CENPH: variants seen among roughly 807,000 people sequenced by gnomAD.
CENPH encodes the protein CENP-H.
A neutral mutation model predicts 42.9 loss-of-function variants in CENPH; 40 were observed. That is an observed-to-expected ratio of 0.93 (90% confidence interval 0.72 to 1.21). The LOEUF (loss-of-function observed/expected upper bound fraction) is 1.21, where lower values mean the gene tolerates loss of function less well. CENPH is among the 50% of genes most tolerant of loss of function. The pLI, the probability that CENPH is intolerant of heterozygous loss-of-function variation, is 0.00. For synonymous variants in CENPH, 88 were observed against 96.5 expected (o/e 0.91, Z 0.52); for missense variants, 302 against 292.9 (o/e 1.03, Z -0.23).
intron 6 of CENPH, 90 bp from the exon 7 acceptor site, chr5:69,202,829 A>G (rs998161037): frequency 1.3e-6 from 1 of 797,450 alleles, no homozygotes; most frequent in African/African-American, 1.8e-5. Context: ...TTAGATAACT[A>G]AGGCTAGTAG....
At chr5:69,204,024 A>G (rs1391287780) in intron 7 of CENPH, among the ~76,000 whole-genome samples, 1 of 53,000 alleles carries the variant, frequency 1.9e-5, no homozygotes, top group Non-Finnish European at 3.7e-5. Context: ...TATATAAATT[A>G]TATATATAAT....
intron 5 of CENPH, among the ~76,000 whole-genome samples, chr5:69,198,237 T>C (rs1324134695): frequency 1.3e-5 from 2 of 151,740 alleles, no homozygotes; most frequent in South Asian, 2.1e-4. Flanking sequence ...TATGATCTTA[T>C]CTCCCAAAGT....
At chr5:69,199,189 G>A (rs12153399) in intron 5 of CENPH, among the ~76,000 whole-genome samples, 3 of 151,914 alleles carry the variant, frequency 2.0e-5, no homozygotes, top group Non-Finnish European at 4.4e-5. Context: ...GTTTTGTTTT[G>A]TTTTTTTGAG....
intron 5 of CENPH, among the ~76,000 whole-genome samples, chr5:69,200,880 GAC>G (rs1050137013): frequency 1.3e-5 from 2 of 151,482 alleles, no homozygotes; most frequent in African/African-American, 4.8e-5. Context: ...TGGGATTACA[GAC>G]ACACACCATC....
intron 7 of CENPH, 104 bp from the exon 8 acceptor site, chr5:69,208,092 C>T (rs1748189975): frequency 1.8e-6 from 1 of 557,756 alleles, no homozygotes. Context: ...TAAAATTTTT[C>T]TCTTGACTAA....
intron 7 of CENPH, 98 bp downstream of exon 7, chr5:69,203,068 G>T: frequency 1.2e-6 from 1 of 815,560 alleles, no homozygotes; most frequent in South Asian, 1.7e-5. Flanking sequence ...CCTAATTTCC[G>T]ACTTCCAAAA....
chr5:69,208,011 A>C, intron 7 of CENPH, 185 bp from the exon 8 acceptor site: 1 of 388,326 alleles, frequency 2.6e-6, no homozygotes, highest in South Asian at 4.7e-5. Context: ...ACGAAATTAA[A>C]ATATTGTTAT....
Position 69,189,601 on chromosome 5 carries a change from C to T in CENPH, c.-34C>T. ...AAGCGACCTTTTCTGAGCGCGTTTG[C>T]CTGTTGAGTGGTAGCCTTTCCCCTC... On this transcript the variant is annotated 5_prime_UTR_variant, in exon 1 of 9. Transcript: ENST00000283006. 7.7e-6 allele frequency: 12 copies of T among 1,556,636 alleles called. No individual in the cohort carries two copies. The highest frequency in any genetic ancestry group is 9.5e-6 in the Non-Finnish European group (11 of 1,155,618).
chr5:69,192,679 A>G (rs1015943567), intron 2 of CENPH, among the ~76,000 whole-genome samples: 1 of 152,150 alleles, frequency 6.6e-6, no homozygotes, highest in African/African-American at 2.4e-5. Context: ...GGGACTCACT[A>G]CAACATCCAA....
At chr5:69,196,458 A>T (rs1035291289) in intron 4 of CENPH, among the ~76,000 whole-genome samples, 2 of 152,186 alleles carry the variant, frequency 1.3e-5, no homozygotes, top group Non-Finnish European at 2.9e-5. Flanking sequence ...CAGCCTGACC[A>T]ACAATGCAAA....
chr5:69,198,856 T>G (rs1166601376), intron 5 of CENPH, among the ~76,000 whole-genome samples: 2 of 152,006 alleles, frequency 1.3e-5, no homozygotes, highest in African/African-American at 4.8e-5. Flanking sequence ...ATCAGCCTCC[T>G]GCCTTGATTC....
At chr5:69,190,022 A>G (rs1460158792) in intron 1 of CENPH, among the ~76,000 whole-genome samples, 1 of 152,120 alleles carries the variant, frequency 6.6e-6, no homozygotes, top group East Asian at 1.9e-4. Context: ...GGGCCCTTAG[A>G]AGCTGTAATT....
At position 69,209,971 on chromosome 5, in the gene CENPH, CT is replaced by C. The variant is rs1288175318; in HGVS notation, c.*177del. On this transcript the variant is annotated 3_prime_UTR_variant, in exon 9 of 9. Transcript: ENST00000283006. ...TAGTGGGATTGAAAGTAATTTTTTT[CT>C]TTTTATATTTCTATATTTAGTTTGT... The C allele has an allele frequency of 2.4e-6, 1 of 414,282 alleles. No homozygotes were observed. Among genetic ancestry groups the C allele is most frequent in the Non-Finnish European group, 4.2e-6 (1 of 236,176 alleles). 25.7% of individuals were successfully genotyped at this position (414,282 alleles called of 1,614,324 possible).
At chr5:69,209,651 A>G (rs1748215010) in intron 8 of CENPH, 56 bp from the exon 9 acceptor site, 1 of 797,494 alleles carries the variant, frequency 1.3e-6, no homozygotes, top group Non-Finnish European at 2.1e-6. Flanking sequence ...ATATTCTAAA[A>G]TCTTGTTAAA....
At chr5:69,198,326 C>T (rs1415604721) in intron 5 of CENPH, among the ~76,000 whole-genome samples, 4 of 150,994 alleles carry the variant, frequency 2.6e-5, no homozygotes, top group Non-Finnish European at 4.4e-5. Context: ...TTTTTGGAGA[C>T]GGAATCTTGC....
chr5:69,189,912 C>CT, intron 1 of CENPH, 144 bp downstream of exon 1: 1 of 963,016 alleles, frequency 1.0e-6, no homozygotes, highest in Non-Finnish European at 1.5e-6. Context: ...ACTGTTGAAG[C>CT]TCTTTCTTCA....
chr5:69,193,914 A>G (rs1200249622), intron 2 of CENPH, among the ~76,000 whole-genome samples: 6 of 151,942 alleles, frequency 3.9e-5, no homozygotes, highest in African/African-American at 1.2e-4. Flanking sequence ...GGCCTCCCAA[A>G]GTACTGGGAT....
intron 5 of CENPH, among the ~76,000 whole-genome samples, chr5:69,199,170 A>C (rs116521562): frequency 3.7e-4 from 56 of 151,884 alleles, no homozygotes; most frequent in African/African-American, 1.3e-3. Context: ...AAAATTAAGG[A>C]GGTGTTTTGT....
At position 69,205,778 on chromosome 5, in the gene CENPH, A is replaced by G. The variant is rs537014912; in HGVS notation, c.488-2418A>G. ...GGCTGGAGTGCAGTGGCACTATCTCAGCTCACTGCAAGCTCCACCTCCCGG... is the reference window on the plus strand; with the variant it reads ...GGCTGGAGTGCAGTGGCACTATCTCGGCTCACTGCAAGCTCCACCTCCCGG... On this transcript the variant is annotated intron_variant, in intron 7 of 8. Coordinates refer to ENST00000283006, the MANE Select transcript of CENPH (RefSeq NM_022909.4). Among the ~76,000 whole-genome samples the G allele has an allele frequency of 6.4e-4, 81 of 127,360 alleles. 1 individual carries two copies. The highest frequency in any genetic ancestry group is 2.2e-4 in the Non-Finnish European group (14 of 64,908). The allele number at this position is 127,360 out of a possible 152,430, so 83.6% of individuals were successfully genotyped here. A position where few individuals can be genotyped will look rare whatever the true frequency, so the allele number is the denominator to read the frequency against.
Sources: gnomAD v4.1 joint callset for allele counts (sites outside exome capture counted in the v4.1 genomes callset) on GRCh38, gnomAD v4.1.1 for gene constraint, MANE v1.5 for transcripts, NCBI Gene and HGNC (gene_info 2026-07-23, HGNC 2026-07-21) for gene names.